Variants in DPP10 observed in about 807,000 individuals in gnomAD.
The protein encoded by DPP10 is dipeptidyl peptidase like 10.
A neutral mutation model predicts 120.9 loss-of-function variants in DPP10; 33 were observed. The observed-to-expected ratio is 0.27, with a 90% CI of 0.21 to 0.37. The LOEUF is 0.37. DPP10 is among the 10% of genes least tolerant of loss of function. The probability of loss-of-function intolerance (pLI) is 1.00; values close to 1 mark genes in which losing one functional copy is unlikely to be tolerated. For synonymous variants in DPP10, 337 were observed against 326.1 expected (o/e 1.03, Z -0.36); for missense variants, 816 against 942.8 (o/e 0.87, Z 1.76).
intron 1 of DPP10, among the ~76,000 whole-genome samples, chr2:114,529,642 C>G (rs1471264987): frequency 1.3e-5 from 2 of 152,216 alleles, no homozygotes; most frequent in South Asian, 2.1e-4. Context: ...TCCTCCCATC[C>G]CTAGCCTGCA....
chr2:115,632,685 A>G (rs1429682078), intron 5 of DPP10, among the ~76,000 whole-genome samples: 2 of 152,328 alleles, frequency 1.3e-5, no homozygotes, highest in East Asian at 3.9e-4. Flanking sequence ...TACCCATCTG[A>G]CAAAGGGCTA....
intron 3 of DPP10, among the ~76,000 whole-genome samples, chr2:115,484,566 T>C (rs988188634): frequency 2.0e-5 from 3 of 152,096 alleles, no homozygotes; most frequent in Admixed American, 2.0e-4. Flanking sequence ...TAGTTTTGGT[T>C]TTTTTATGTT....
At chr2:115,785,772 G>A (rs543477848) in intron 17 of DPP10, among the ~76,000 whole-genome samples, 6 of 149,438 alleles carry the variant, frequency 4.0e-5, no homozygotes, top group African/African-American at 7.3e-5. Flanking sequence ...TTATACTTTC[G>A]AAGAACCAAC....
At chr2:115,674,337 C>A (rs184039681) in intron 5 of DPP10, among the ~76,000 whole-genome samples, 6 of 149,516 alleles carry the variant, frequency 4.0e-5, no homozygotes, top group African/African-American at 1.5e-4. Context: ...TGGAATCAAG[C>A]ACAAGTGGGC....
chr2:115,441,626 G>T, intron 3 of DPP10, among the ~76,000 whole-genome samples: 1 of 152,028 alleles, frequency 6.6e-6, no homozygotes, highest in East Asian at 1.9e-4. Context: ...GTCTATGTTA[G>T]ACTATTGAGC....
At chr2:115,434,998 T>A (rs1297616543) in intron 3 of DPP10, among the ~76,000 whole-genome samples, 6 of 151,456 alleles carry the variant, frequency 4.0e-5, no homozygotes, top group African/African-American at 1.2e-4. Flanking sequence ...TTTCTGCAAA[T>A]GACAAGATTT....
chr2:115,334,975 T>C (rs1480316818), intron 2 of DPP10, among the ~76,000 whole-genome samples: 1 of 151,764 alleles, frequency 6.6e-6, no homozygotes, highest in Admixed American at 6.6e-5. Context: ...GATAAAGATA[T>C]ACCCGAGACT....
chr2:115,025,767 T>A (rs983291945), intron 1 of DPP10, among the ~76,000 whole-genome samples: 4 of 152,198 alleles, frequency 2.6e-5, no homozygotes, highest in Non-Finnish European at 4.4e-5. Context: ...TGTTGAGCTT[T>A]TTTTTATATA....
chr2:115,180,788 G>GA (rs1050029777), intron 1 of DPP10, among the ~76,000 whole-genome samples: 2 of 152,118 alleles, frequency 1.3e-5, no homozygotes, highest in African/African-American at 4.8e-5. Context: ...GAGTGGGCAT[G>GA]AAAAAATGTC....
At chr2:115,332,235 A>T (rs1425941342) in intron 2 of DPP10, among the ~76,000 whole-genome samples, 2 of 152,058 alleles carry the variant, frequency 1.3e-5, no homozygotes, top group Admixed American at 6.6e-5. Context: ...GTATTCTCTG[A>T]TGGTAGTTTG....
At chr2:114,703,994 A>G (rs1431523554) in intron 1 of DPP10, among the ~76,000 whole-genome samples, 1 of 152,136 alleles carries the variant, frequency 6.6e-6, no homozygotes, top group Admixed American at 6.6e-5. Context: ...TGCCTCCCAC[A>G]GAGCCGGGCT....
chr2:115,111,443 G>T (rs930825758), intron 1 of DPP10, among the ~76,000 whole-genome samples: 2 of 152,050 alleles, frequency 1.3e-5, no homozygotes, highest in Non-Finnish European at 2.9e-5. Flanking sequence ...GAAAAAGCTG[G>T]CCTGTGGAAC....
At chr2:115,456,239 G>A (rs1359347855) in intron 3 of DPP10, among the ~76,000 whole-genome samples, 6 of 152,212 alleles carry the variant, frequency 3.9e-5, no homozygotes, top group South Asian at 2.1e-4. Context: ...TTAGAGAAAT[G>A]CAAATCAAAA....
chr2:115,767,595 T>C (rs1250785805), intron 12 of DPP10, among the ~76,000 whole-genome samples: 1 of 151,852 alleles, frequency 6.6e-6, no homozygotes, highest in Non-Finnish European at 1.5e-5. Context: ...TATATATATA[T>C]GTGGCTTTCA....
rs1696332437 is a variant in DPP10 at position 114,934,772 on chromosome 2, T to G, written c.61-374467T>G. ...ATGGAGGACCTTCAGTAGCAGAGGC[T>G]AGGAACCACAGGGTTGAGGGGAGGA... On this transcript the variant is annotated intron_variant, in intron 1 of 25. Transcript: ENST00000410059. 1.3e-5 allele frequency among the ~76,000 whole-genome samples: 2 copies of G among 152,060 alleles called. 1 individual carries two copies. Among genetic ancestry groups the G allele is most frequent in the South Asian group, 4.1e-4 (2 of 4,830 alleles).
intron 1 of DPP10, among the ~76,000 whole-genome samples, chr2:115,176,292 TTATA>T (rs1035995108): frequency 3.4e-5 from 5 of 147,812 alleles, no homozygotes; most frequent in Non-Finnish European, 6.0e-5. Flanking sequence ...TTAAATATAT[TTATA>T]TATAAATATA....
At chr2:115,803,385 A>T (rs1344085524) in intron 19 of DPP10, among the ~76,000 whole-genome samples, 1 of 152,124 alleles carries the variant, frequency 6.6e-6, no homozygotes, top group African/African-American at 2.4e-5. Context: ...CTCTTTATCC[A>T]ATTTGACAGT....
intron 12 of DPP10, among the ~76,000 whole-genome samples, chr2:115,765,942 T>C (rs1188263620): frequency 6.6e-6 from 1 of 152,090 alleles, no homozygotes; most frequent in Non-Finnish European, 1.5e-5. Context: ...AATATCCTTA[T>C]TTTACTGTCA....
intron 1 of DPP10, among the ~76,000 whole-genome samples, chr2:114,585,239 G>A (rs1690856293): frequency 6.6e-6 from 1 of 152,138 alleles, no homozygotes; most frequent in African/African-American, 2.4e-5. Context: ...CTAGTTTCTT[G>A]TGGTTGTAGG....
Sources: allele counts gnomAD v4.1 joint callset (sites outside exome capture counted in the v4.1 genomes callset), GRCh38; gene constraint gnomAD v4.1.1; transcripts MANE v1.5; gene names NCBI Gene and HGNC (gene_info 2026-07-23, HGNC 2026-07-21).